Variants in MTMR9 observed in about 807,000 individuals in gnomAD.
The protein encoded by MTMR9 is myotubularin-related protein 9.
A neutral mutation model predicts 69.5 loss-of-function variants in MTMR9; 39 were observed. The observed-to-expected ratio is 0.56, with a 90% CI of 0.43 to 0.73. The LOEUF is 0.73. MTMR9 is among the 30% of genes least tolerant of loss of function. The probability of loss-of-function intolerance (pLI) is 0.00; values close to 1 mark genes in which losing one functional copy is unlikely to be tolerated. For missense variants in MTMR9, 900 were observed against 671.2 expected, an observed-to-expected ratio of 1.34 and a Z score of -3.77; for synonymous variants, 354 against 240.8, an observed-to-expected ratio of 1.47 and a Z score of -4.35.
intron 9 of MTMR9, 88 bp from the exon 10 acceptor site, chr8:11,322,537 T>C: frequency 1.8e-6 from 2 of 1,095,636 alleles, no homozygotes; most frequent in East Asian, 2.4e-5. Flanking sequence ...GAATGTATAA[T>C]ACATAAATTA....
At chr8:11,295,364 C>G in intron 2 of MTMR9, 62 bp downstream of exon 2, 2 of 920,712 alleles carry the variant, frequency 2.2e-6, no homozygotes, top group Non-Finnish European at 3.5e-6. Flanking sequence ...CAGTGTAGCT[C>G]TTCCATTTCT....
In MTMR9 at chr8:11,300,010, T is replaced by A; in HGVS notation, c.292-13T>A. The A allele has an allele frequency of 6.2e-7, 1 of 1,600,924 alleles. No homozygotes were observed. Among genetic ancestry groups the A allele is most frequent in the Non-Finnish European group, 8.5e-7 (1 of 1,175,844 alleles). On this transcript the variant is annotated splice_polypyrimidine_tract_variant and intron_variant, in intron 2 of 9. Transcript: ENST00000221086. Reference sequence around the variant, plus strand: ...ATGTTTCTTTTTTGTCTTTCTTTTCTTTTTGCCCCCAGGCATTGTCTACTC... The same window carrying A: ...ATGTTTCTTTTTTGTCTTTCTTTTCATTTTGCCCCCAGGCATTGTCTACTC...
intron 1 of MTMR9, among the ~76,000 whole-genome samples, chr8:11,293,116 C>A (rs949353149): frequency 6.6e-6 from 1 of 152,180 alleles, no homozygotes; most frequent in Admixed American, 6.5e-5. Flanking sequence ...AATATTTCCC[C>A]TGAAGACCTT....
rs1799941598 is a variant in MTMR9, at chr8:11,306,353, TTGA to T, written c.756_758del (p.Phe252_Glu253delinsLeu). On this transcript the variant is annotated inframe_deletion, in exon 5 of 10. Transcript: ENST00000221086. ...CAAACTAGAGCCAAAGGAGGTGGCT[TTGA>T]ACAAGAAGCTCATTATCCTCAGTGG... 4 of 1,613,932 alleles carry T rather than the reference TTGA, an allele frequency of 2.5e-6. No individual in the cohort carries two copies. The Admixed American group carries it at 6.7e-5, about 27-fold the overall frequency.
the MTMR9 span, among the ~76,000 whole-genome samples, chr8:11,335,317 T>G: frequency 2.0e-5 from 3 of 152,204 alleles, no homozygotes; most frequent in Non-Finnish European, 4.4e-5. Flanking sequence ...TCATTTACAT[T>G]AGCAGCTCCC....
intron 3 of MTMR9, chr8:11,300,716 G>A (rs1799719604): frequency 6.6e-6 from 1 of 152,186 alleles, no homozygotes; most frequent in South Asian, 2.1e-4. Context: ...AATTGAATTG[G>A]CAACAAGCGA....
chr8:11,293,270 A>C (rs1050532302), intron 1 of MTMR9, among the ~76,000 whole-genome samples: 1 of 152,258 alleles, frequency 6.6e-6, no homozygotes. Flanking sequence ...AAAAGCTTAT[A>C]GAATGAGGAT....
At chr8:11,332,138 G>T (rs1197174983), downstream of MTMR9, 41 of 1,611,588 alleles carry the variant, frequency 2.5e-5, no homozygotes, top group Non-Finnish European at 3.4e-5. Context: ...GAACTTGGGA[G>T]CCCGGGGGTT....
chr8:11,337,514 A>C, the MTMR9 span, among the ~76,000 whole-genome samples: 1 of 152,058 alleles, frequency 6.6e-6, no homozygotes, highest in Non-Finnish European at 1.5e-5. Context: ...GGTACTTGTC[A>C]CTTCCTGTTC....
intron 2 of MTMR9, among the ~76,000 whole-genome samples, chr8:11,296,103 A>ATG (rs987843261): frequency 6.8e-6 from 1 of 147,454 alleles, no homozygotes; most frequent in Non-Finnish European, 1.5e-5. Context: ...ATTATTACAT[A>ATG]TATATATACA....
intron 5 of MTMR9, among the ~76,000 whole-genome samples, chr8:11,307,749 G>C (rs1051497035): frequency 1.3e-5 from 2 of 152,124 alleles, no homozygotes; most frequent in African/African-American, 4.8e-5. Flanking sequence ...TCTAACAGGG[G>C]TGAGGTGATA....
intron 6 of MTMR9, among the ~76,000 whole-genome samples, chr8:11,311,800 C>T (rs963507875): frequency 1.3e-5 from 2 of 152,050 alleles, no homozygotes; most frequent in African/African-American, 4.8e-5. Flanking sequence ...TTTTTACCCA[C>T]GGTTGAACTT....
intron 5 of MTMR9, among the ~76,000 whole-genome samples, chr8:11,308,808 T>G (rs565468215): frequency 6.6e-6 from 1 of 152,318 alleles, no homozygotes; most frequent in East Asian, 1.9e-4. Flanking sequence ...CAGCCAGCCT[T>G]TGTGTTTGAT....
chr8:11,295,129 AAAT>A (rs1206527876), intron 1 of MTMR9, 62 bp from the exon 2 acceptor site: 1 of 847,002 alleles, frequency 1.2e-6, no homozygotes, highest in African/African-American at 1.7e-5. Context: ...CTTTTCAAAG[AAAT>A]AATAATATAT....
rs1800970027 is a variant in MTMR9 at position 11,327,125 on chromosome 8, C to G, written c.*4337C>G. Reference sequence around the variant, plus strand: ...TCATTTGGTCTTTATAATCCACTGTCCACAGCATCTTCCTTTAAACCAATA... The same window carrying G: ...TCATTTGGTCTTTATAATCCACTGTGCACAGCATCTTCCTTTAAACCAATA... On this transcript the variant is annotated 3_prime_UTR_variant, in exon 10 of 10. Coordinates refer to ENST00000221086, the MANE Select transcript of MTMR9 (RefSeq NM_015458.4). 1 of 152,114 alleles carries G rather than the reference C, an allele frequency of 6.6e-6. No homozygotes were observed. The highest frequency in any genetic ancestry group is 1.5e-5 in the Non-Finnish European group (1 of 68,034). 9.4% of individuals were successfully genotyped at this position (152,114 alleles called of 1,614,324 possible).
intron 4 of MTMR9, among the ~76,000 whole-genome samples, chr8:11,305,695 C>T (rs1799913032): frequency 6.6e-6 from 1 of 152,200 alleles, no homozygotes; most frequent in Non-Finnish European, 1.5e-5. Context: ...CTGGAGAATA[C>T]ATAATAGACA....
intron 1 of MTMR9, among the ~76,000 whole-genome samples, chr8:11,286,507 A>G (rs2117339531): frequency 1.3e-5 from 2 of 151,902 alleles, no homozygotes; most frequent in Middle Eastern, 6.8e-3. Context: ...TCTACTAAAA[A>G]TACAAAAAAT....
intron 6 of MTMR9, among the ~76,000 whole-genome samples, chr8:11,311,808 C>G (rs1221385006): frequency 1.3e-5 from 2 of 151,878 alleles, no homozygotes; most frequent in African/African-American, 4.8e-5. Context: ...CACGGTTGAA[C>G]TTGCAAAATT....
chr8:11,316,160 A>C (rs1228103401), intron 7 of MTMR9: 4 of 152,226 alleles, frequency 2.6e-5, no homozygotes, highest in Admixed American at 2.6e-4. Context: ...CTTTCAACAC[A>C]ATAACTTTTC....
Sources: allele counts gnomAD v4.1 joint callset (sites outside exome capture counted in the v4.1 genomes callset), GRCh38; gene constraint gnomAD v4.1.1; transcripts MANE v1.5; gene names NCBI Gene and HGNC (gene_info 2026-07-23, HGNC 2026-07-21).